The following PIWIL2 variants were observed in gnomAD, a reference collection of about 807,000 sequenced individuals.
PIWIL2 encodes the protein piwi-like protein 2.
A neutral mutation model predicts 116.5 loss-of-function variants in PIWIL2; 81 were observed. That is an observed-to-expected ratio of 0.70 (90% CI 0.58 to 0.84). The LOEUF (loss-of-function observed/expected upper bound fraction) is 0.84, where lower values mean the gene tolerates loss of function less well. Among genes scored for constraint, PIWIL2 ranks in the 40% least tolerant of loss-of-function variants. The probability of loss-of-function intolerance (pLI) is 0.00; values close to 1 mark genes in which losing one functional copy is unlikely to be tolerated. For missense variants in PIWIL2, 1,272 were observed against 1,212.3 expected, an observed-to-expected ratio of 1.05 and a Z score of -0.73; for synonymous variants, 489 against 429.5, an observed-to-expected ratio of 1.14 and a Z score of -1.71.
At chr8:22,279,803 A>G (rs1311901337) in intron 2 of PIWIL2, among the ~76,000 whole-genome samples, 5 of 152,192 alleles carry the variant, frequency 3.3e-5, no homozygotes, top group Non-Finnish European at 5.9e-5. Flanking sequence ...CTGAAAATAC[A>G]AAAATTAGCC....
intron 20 of PIWIL2, among the ~76,000 whole-genome samples, chr8:22,325,044 A>G (rs1439635255): frequency 6.6e-6 from 1 of 152,224 alleles, no homozygotes; most frequent in Admixed American, 6.5e-5. Context: ...GCCGTAGCAG[A>G]CTAATACAGA....
chr8:22,300,531 C>T (rs796558746), intron 10 of PIWIL2, among the ~76,000 whole-genome samples: 3 of 152,270 alleles, frequency 2.0e-5, no homozygotes, highest in Non-Finnish European at 4.4e-5. Flanking sequence ...TACCTGGGAG[C>T]GGAATGGCGA....
intron 1 of PIWIL2, among the ~76,000 whole-genome samples, chr8:22,278,657 C>T (rs187150275): frequency 3.5e-4 from 54 of 152,328 alleles, no homozygotes; most frequent in African/African-American, 1.2e-3. Context: ...AGGCCACAGG[C>T]TGGTTGGGGG....
intron 20 of PIWIL2, among the ~76,000 whole-genome samples, chr8:22,329,219 A>T (rs967497040): frequency 3.3e-5 from 5 of 152,216 alleles, no homozygotes; most frequent in African/African-American, 1.2e-4. Flanking sequence ...AACTTTTAAC[A>T]GTCTTGTTCA....
In PIWIL2 at chr8:22,355,487, G is replaced by A; in HGVS notation, c.2904G>A (p.Glu968=). 1 of 1,614,114 alleles carries A rather than the reference G, an allele frequency of 6.2e-7. No homozygotes were observed. The highest frequency in any genetic ancestry group is 8.5e-7 in the Non-Finnish European group (1 of 1,180,026). The change falls in exon 23 of 23, where the codon GAG becomes GAA. Residue 968 remains glutamate (E), a synonymous_variant. Transcript: ENST00000356766. ...LHHEPAIQLC[E]NLFFL is the part of the protein sequence containing the mutation. ...ATGAACCAGCCATCCAGCTGTGCGA[G>A]AACCTGTTCTTCCTGTGACTGCACA...
At chr8:22,349,964 A>AG (rs1832318219) in intron 20 of PIWIL2, among the ~76,000 whole-genome samples, 1 of 152,208 alleles carries the variant, frequency 6.6e-6, no homozygotes, top group Non-Finnish European at 1.5e-5. Flanking sequence ...TGGTTAGTGA[A>AG]GTGGTTCTCA....
chr8:22,308,197 GTT>G (rs375154486), intron 14 of PIWIL2, 124 bp downstream of exon 14: 2,012 of 523,024 alleles, frequency 3.8e-3, no homozygotes, highest in South Asian at 7.4e-3. Context: ...ATTTTTCTAA[GTT>G]TTTTTTTTTT....
At chr8:22,288,933 G>A (rs964369810) in intron 8 of PIWIL2, among the ~76,000 whole-genome samples, 6 of 152,106 alleles carry the variant, frequency 3.9e-5, no homozygotes, top group African/African-American at 9.7e-5. Context: ...CTTTGAAAGC[G>A]GCTGTTGATA....
chr8:22,351,439 A>C (rs991444237), intron 20 of PIWIL2, among the ~76,000 whole-genome samples: 1 of 52,150 alleles, frequency 1.9e-5, no homozygotes, highest in Non-Finnish European at 3.6e-5. Flanking sequence ...GTGCATACAT[A>C]CATATATATA....
intron 10 of PIWIL2, among the ~76,000 whole-genome samples, chr8:22,297,182 G>A (rs889222310): frequency 3.3e-5 from 5 of 151,878 alleles, no homozygotes; most frequent in African/African-American, 1.2e-4. Context: ...TAAAGGCAGG[G>A]TCTCACTGTG....
intron 14 of PIWIL2, among the ~76,000 whole-genome samples, chr8:22,309,447 C>G (rs1214622683): frequency 6.6e-6 from 1 of 152,106 alleles, no homozygotes; most frequent in Non-Finnish European, 1.5e-5. Flanking sequence ...AAGTAAATCT[C>G]CTGCCTCTGC....
intron 20 of PIWIL2, among the ~76,000 whole-genome samples, chr8:22,329,480 G>A (rs1831808570): frequency 6.6e-6 from 1 of 152,188 alleles, no homozygotes; most frequent in Non-Finnish European, 1.5e-5. Flanking sequence ...GAGAGAGAGA[G>A]AAAGTGAGAG....
intron 20 of PIWIL2, among the ~76,000 whole-genome samples, chr8:22,346,298 C>A (rs761657592): frequency 1.8e-4 from 27 of 152,118 alleles, no homozygotes; most frequent in Non-Finnish European, 3.5e-4. Context: ...TAAAGCTGTT[C>A]AAAATAAAAA....
chr8:22,329,290 A>T (rs973580416), intron 20 of PIWIL2, among the ~76,000 whole-genome samples: 2 of 152,214 alleles, frequency 1.3e-5, no homozygotes, highest in South Asian at 2.1e-4. Flanking sequence ...CTGTAACAAG[A>T]TACCTGAGAC....
At chr8:22,345,523 G>A (rs1832207305) in intron 20 of PIWIL2, among the ~76,000 whole-genome samples, 1 of 152,074 alleles carries the variant, frequency 6.6e-6, no homozygotes, top group Admixed American at 6.6e-5. Context: ...AATTAGCTGG[G>A]CATGGTGGTG....
chr8:22,288,689 A>C, intron 8 of PIWIL2, 23 bp downstream of exon 8: 1 of 1,595,178 alleles, frequency 6.3e-7, no homozygotes. Context: ...CTGAAGTTCT[A>C]TTGTCCTGTA....
intron 22 of PIWIL2, 101 bp from the exon 23 acceptor site, chr8:22,355,247 AG>A: frequency 9.3e-7 from 1 of 1,071,812 alleles, no homozygotes; most frequent in Non-Finnish European, 1.4e-6. Context: ...GTTTTCAGGA[AG>A]GTGTGCTCTG....
At chr8:22,279,886 G>A (rs13280764) in intron 2 of PIWIL2, among the ~76,000 whole-genome samples, 1 of 152,230 alleles carries the variant, frequency 6.6e-6, no homozygotes, top group Non-Finnish European at 1.5e-5. Flanking sequence ...GAACCGTGGA[G>A]GCGGAGGTTG....
chr8:22,309,604 G>T (rs539109620), intron 14 of PIWIL2, among the ~76,000 whole-genome samples: 5 of 152,336 alleles, frequency 3.3e-5, no homozygotes, highest in African/African-American at 1.2e-4. Flanking sequence ...CTCCCAAAGT[G>T]CTGGGATTAC....
Sources: gnomAD v4.1 joint callset for allele counts (sites outside exome capture counted in the v4.1 genomes callset) on GRCh38, gnomAD v4.1.1 for gene constraint, MANE v1.5 for transcripts, NCBI Gene and HGNC (gene_info 2026-07-23, HGNC 2026-07-21) for gene names.